The following TLE2 variants were observed in gnomAD, a reference collection of about 807,000 sequenced individuals.
TLE2 encodes TLE family member 2, transcriptional corepressor.
Under a neutral mutation model 97.2 loss-of-function variants are expected in TLE2, and 74 were observed. The observed-to-expected ratio is 0.76, with a 90% CI of 0.63 to 0.92. The LOEUF is 0.92. TLE2 is among the 40% of genes least tolerant of loss of function. The probability of loss-of-function intolerance (pLI) is 0.00; values close to 1 mark genes in which losing one functional copy is unlikely to be tolerated. For missense variants in TLE2, 1,038 were observed against 1,008.7 expected (o/e 1.03, Z -0.39); for synonymous variants, 499 against 432.1 (o/e 1.15, Z -1.92).
rs1264698730 is a variant in TLE2, at chr19:3,023,273, T to C, written c.294+1747A>G. Among the ~76,000 whole-genome samples the C allele has an allele frequency of 5.9e-5, 9 of 152,250 alleles. No individual in the cohort carries two copies. The East Asian group carries it at 1.4e-3, about 23-fold the overall frequency. On this transcript the variant is annotated intron_variant, in intron 5 of 19. Transcript: ENST00000262953. ...GGTGGGTCTCAAACTCCTGACCTCA[T>C]GACCCGCACGCCTTGGCCTCCCAAA...
chr19:3,006,711 GCCCCC>G lies in TLE2; in HGVS notation c.1251-47_1251-43del, dbSNP rs780364596. The G allele has an allele frequency of 9.6e-3, 14,803 of 1,544,686 alleles. 95 individuals carry two copies. The highest frequency in any genetic ancestry group is 0.011 in the Non-Finnish European group (12,983 of 1,142,288). On this transcript the variant is annotated intron_variant, in intron 14 of 19. Transcript: ENST00000262953. ...GGCATGACCCAGCCCTGGGCACCAC[GCCCCC>G]GCACCCGCACCTGGGAGGGCAGGGA... is the stretch of plus-strand genomic sequence containing the variant.
intron 12 of TLE2, among the ~76,000 whole-genome samples, chr19:3,010,251 C>A (rs375023069): frequency 1.3e-5 from 2 of 151,826 alleles, no homozygotes; most frequent in African/African-American, 4.8e-5. Flanking sequence ...GTAATTCCAG[C>A]TACTCAGGAG....
rs1301442900 is a variant in TLE2, at chr19:3,019,267, C to A, written c.550+16G>T. On this transcript the variant is annotated intron_variant, in intron 7 of 19. Transcript: ENST00000262953. This position sits in a 1 kb window ranked among gnomAD's most constrained non-coding sequence, Gnocchi z 5.1. ...CCCGTCTCCCCAGCCAATGCCACCC[C>A]GTGCTGCCCACTCACCTCTGGACCC... is the stretch of plus-strand genomic sequence containing the variant. 1 of 1,567,198 alleles carries A rather than the reference C, an allele frequency of 6.4e-7. No individual in the cohort carries two copies. The highest frequency in any genetic ancestry group is 2.4e-5 in the East Asian group (1 of 42,478).
At chr19:2,999,464 A>C (rs1425789738) in intron 19 of TLE2, among the ~76,000 whole-genome samples, 1 of 152,072 alleles carries the variant, frequency 6.6e-6, no homozygotes, top group Non-Finnish European at 1.5e-5. Flanking sequence ...GTGGTGGCTC[A>C]CACCTGTAAT....
chr19:3,025,590 G>A (rs1008695330), intron 4 of TLE2: 17 of 985,422 alleles, frequency 1.7e-5, no homozygotes, highest in Non-Finnish European at 2.0e-5. Context: ...ATCTCAGCAC[G>A]CCACACTCAA....
At chr19:3,038,061 G>A (rs1249251785) in intron 1 of TLE2, among the ~76,000 whole-genome samples, 1 of 152,096 alleles carries the variant, frequency 6.6e-6, no homozygotes, top group Non-Finnish European at 1.5e-5. Context: ...GGCGGAGGTT[G>A]CAGTGAGCTG....
chr19:3,004,285 G>C (rs1180058078), intron 17 of TLE2, among the ~76,000 whole-genome samples: 1 of 152,148 alleles, frequency 6.6e-6, no homozygotes, highest in Non-Finnish European at 1.5e-5. Context: ...AAGCTTCGGG[G>C]CCACGGGATG....
At chr19:3,015,323 G>A (rs1391867407) in intron 9 of TLE2, among the ~76,000 whole-genome samples, 2 of 152,212 alleles carry the variant, frequency 1.3e-5, no homozygotes, top group African/African-American at 4.8e-5. Flanking sequence ...GGTCAGGGAA[G>A]GCTTCTTGTA....
chr19:3,013,849 T>A, intron 10 of TLE2, 31 bp from the exon 11 acceptor site: 1 of 1,471,366 alleles, frequency 6.8e-7, no homozygotes, highest in Non-Finnish European at 9.0e-7. Context: ...TTGAGCAGAG[T>A]TGAAATGAGA....
chr19:3,037,574 G>A (rs149183677), intron 1 of TLE2, among the ~76,000 whole-genome samples: 98 of 152,248 alleles, frequency 6.4e-4, no homozygotes, highest in African/African-American at 2.3e-3. Flanking sequence ...GCCTACTTTC[G>A]CATGGGTCCT....
intron 1 of TLE2, among the ~76,000 whole-genome samples, chr19:3,044,959 T>C (rs1376019464): frequency 6.6e-6 from 1 of 152,214 alleles, no homozygotes; most frequent in Non-Finnish European, 1.5e-5. Context: ...GGCTCATGAC[T>C]GTCATCCCAG....
intron 19 of TLE2, 31 bp downstream of exon 19, chr19:3,000,616 G>C: frequency 1.3e-6 from 2 of 1,558,100 alleles, no homozygotes; most frequent in South Asian, 2.4e-5. Flanking sequence ...ACATGGCCCT[G>C]CCAGAGTGGG....
chr19:3,006,551 C>T lies in TLE2; in HGVS notation c.1369G>A (p.Gly457Ser). 1 of 1,604,648 alleles carries T rather than the reference C, an allele frequency of 6.2e-7. No individual in the cohort carries two copies. The highest frequency in any genetic ancestry group is 2.2e-5 in the East Asian group (1 of 44,446). ...ATGGTGACCGCGCAGACCACCTCGC[C>T]ATGGGCCAGCGTGTGCAGCTGCCGG... ...HARQLHTLAH[G>S]EVVCAVTISG... is the part of the protein sequence containing the mutation. The change falls in exon 15 of 20, where the codon GGC (glycine) becomes AGC (serine). Residue 457 changes from glycine (G) to serine (S), a missense_variant. By Grantham distance (56) the Gly-to-Ser change is moderately conservative. Coordinates refer to ENST00000262953, the MANE Select transcript of TLE2 (RefSeq NM_003260.5).
intron 1 of TLE2, among the ~76,000 whole-genome samples, chr19:3,034,452 C>T (rs1382193114): frequency 6.6e-6 from 1 of 151,860 alleles, no homozygotes; most frequent in Non-Finnish European, 1.5e-5. Context: ...CACCAGATCA[C>T]ACCACACCCC....
intron 11 of TLE2, among the ~76,000 whole-genome samples, chr19:3,013,067 G>A (rs1229784560): frequency 6.6e-6 from 1 of 152,114 alleles, no homozygotes; most frequent in Non-Finnish European, 1.5e-5. Flanking sequence ...AACCGGGAGG[G>A]GAGGCCTAGA....
chr19:3,003,547 AGAATCGCTT>A (rs2089411715), intron 17 of TLE2, among the ~76,000 whole-genome samples: 1 of 151,924 alleles, frequency 6.6e-6, no homozygotes, highest in Non-Finnish European at 1.5e-5. Flanking sequence ...CTGAGGCAGG[AGAATCGCTT>A]GAACTTGGGA....
chr19:3,016,128 G>A (rs1401849347), intron 8 of TLE2, among the ~76,000 whole-genome samples: 1 of 151,524 alleles, frequency 6.6e-6, no homozygotes, highest in Non-Finnish European at 1.5e-5. Flanking sequence ...TAGAGACAGG[G>A]TTTCGCCATG....
chr19:3,021,481 G>C (rs1286873003), intron 5 of TLE2, among the ~76,000 whole-genome samples: 1 of 152,152 alleles, frequency 6.6e-6, no homozygotes, highest in Non-Finnish European at 1.5e-5. Flanking sequence ...GTGGCCACCA[G>C]GCATTTGACA....
intron 5 of TLE2, among the ~76,000 whole-genome samples, chr19:3,022,784 G>A (rs1448111366): frequency 6.6e-6 from 1 of 152,062 alleles, no homozygotes; most frequent in Non-Finnish European, 1.5e-5. Context: ...GTGTGGGTGT[G>A]TGTAGGATGG....
Sources: allele counts gnomAD v4.1 joint callset (sites outside exome capture counted in the v4.1 genomes callset), GRCh38; gene constraint gnomAD v4.1.1; non-coding constraint Gnocchi (gnomAD v3.1); transcripts MANE v1.5; gene names NCBI Gene and HGNC (gene_info 2026-07-23, HGNC 2026-07-21).